CCDC85C: variants seen among roughly 807,000 people sequenced by gnomAD.
CCDC85C encodes coiled-coil domain-containing protein 85C.
CCDC85C carries 18 observed loss-of-function variants against 38.3 expected under a neutral mutation model. The ratio of observed to expected loss-of-function variants is 0.47; its 90% CI spans 0.33 to 0.70. CCDC85C has a LOEUF of 0.70. Among genes scored for constraint, CCDC85C ranks in the 30% least tolerant of loss-of-function variants. The pLI, the probability that CCDC85C is intolerant of heterozygous loss-of-function variation, is 0.03. For missense variants in CCDC85C, 566 were observed against 621.2 expected (o/e 0.91, Z 0.94); for synonymous variants, 264 against 293.8 (o/e 0.90, Z 1.04).
At chr14:99,538,578 G>A (rs1476663200) in intron 1 of CCDC85C, among the ~76,000 whole-genome samples, 6 of 152,190 alleles carry the variant, frequency 3.9e-5, no homozygotes, top group Non-Finnish European at 7.3e-5. Flanking sequence ...GGAGGTGGGT[G>A]CACTTTCAGC....
At chr14:99,590,432 G>A (rs1016353180) in intron 1 of CCDC85C, among the ~76,000 whole-genome samples, 11 of 152,180 alleles carry the variant, frequency 7.2e-5, no homozygotes, top group East Asian at 3.9e-4. Context: ...AAAAAGGAGC[G>A]GCAGGAGAAG....
intron 1 of CCDC85C, among the ~76,000 whole-genome samples, chr14:99,583,807 T>TAA (rs34283477): frequency 1.0e-4 from 12 of 115,138 alleles, no homozygotes; most frequent in South Asian, 2.7e-4. Flanking sequence ...GGCTCTGTCT[T>TAA]AAAAAAAAAA....
At chr14:99,567,444 A>G (rs1028951114) in intron 1 of CCDC85C, among the ~76,000 whole-genome samples, 11 of 152,126 alleles carry the variant, frequency 7.2e-5, no homozygotes, top group African/African-American at 2.2e-4. Flanking sequence ...GCAGTTTCCT[A>G]AAGAGCTTGG....
chr14:99,550,334 G>C (rs1411633250), intron 1 of CCDC85C, among the ~76,000 whole-genome samples: 2 of 152,198 alleles, frequency 1.3e-5, no homozygotes, highest in Admixed American at 1.3e-4. Flanking sequence ...TGACCACGGT[G>C]GGGTGGCCAC....
chr14:99,566,852 C>G (rs1392362651), intron 1 of CCDC85C, among the ~76,000 whole-genome samples: 2 of 152,228 alleles, frequency 1.3e-5, no homozygotes, highest in Non-Finnish European at 2.9e-5. Context: ...GGACATTTCA[C>G]TGTCCTGCAC....
Position 99,603,853 on chromosome 14 carries a change from C to T in CCDC85C, c.107G>A (p.Arg36Gln), listed in dbSNP as rs1425973430. Residue 36 changes from arginine to glutamine, a missense_variant, in exon 1 of 6, where the codon CGG becomes CAG. By Grantham distance (43) the Arg-to-Gln change is conservative. Coordinates refer to ENST00000380243, the MANE Select transcript of CCDC85C (RefSeq NM_001144995.2). This position sits in a 1 kb window ranked among gnomAD's most constrained non-coding sequence, Gnocchi z 7.5. ...GCCCACCTTCTCGCCCTCGGCGCGCCGCAGCCGCCGCGCCAGCTCCTCCTT... is the reference window on the plus strand; with the variant it reads ...GCCCACCTTCTCGCCCTCGGCGCGCTGCAGCCGCCGCGCCAGCTCCTCCTT... ...WSKEELARRL[R>Q]RAEGEKVGLM... 6.6e-7 allele frequency: 1 copy of T among 1,516,386 alleles called. No homozygotes were observed. The highest frequency in any genetic ancestry group is 2.6e-5 in the East Asian group (1 of 38,470). The allele number at this position is 1,516,386 out of a possible 1,614,324, so 93.9% of individuals were successfully genotyped here.
Position 99,511,769 on chromosome 14 carries a change from A to AGTT in CCDC85C, c.*3474_*3476dup, listed in dbSNP as rs1287226366. On this transcript the variant is annotated 3_prime_UTR_variant, in exon 6 of 6. Transcript: ENST00000380243. Reference sequence around the variant, plus strand: ...GGAGGACCTGGTTGAGTTCCAAACCAGTTTGAAACTTTGAAGCCTTGCTGC... The same window carrying AGTT: ...GGAGGACCTGGTTGAGTTCCAAACCAGTTGTTTGAAACTTTGAAGCCTTGCTGC... 5 of 152,768 alleles carry AGTT rather than the reference A, an allele frequency of 3.3e-5. No individual in the cohort carries two copies. The East Asian group carries it at 9.6e-4, about 29-fold the overall frequency. The allele number at this position is 152,768 out of a possible 1,614,324, so 9.5% of individuals were successfully genotyped here.
At chr14:99,534,499 C>T (rs1282205822) in intron 2 of CCDC85C, among the ~76,000 whole-genome samples, 4 of 152,192 alleles carry the variant, frequency 2.6e-5, no homozygotes, top group Non-Finnish European at 1.5e-5. Flanking sequence ...CCCGGGGGCC[C>T]GAGCTTCAGC....
intron 2 of CCDC85C, among the ~76,000 whole-genome samples, chr14:99,529,219 G>A (rs1897447307): frequency 6.6e-6 from 1 of 152,064 alleles, no homozygotes; most frequent in Non-Finnish European, 1.5e-5. Flanking sequence ...TCACGTGTAT[G>A]TGCCATTCAG....
At chr14:99,518,996 C>A (rs1897267858) in intron 3 of CCDC85C, among the ~76,000 whole-genome samples, 1 of 151,976 alleles carries the variant, frequency 6.6e-6, no homozygotes, top group Non-Finnish European at 1.5e-5. Flanking sequence ...TCGGGCCACA[C>A]ACACCTCCCA....
chr14:99,516,856 TCA>T lies in CCDC85C; in HGVS notation c.1071+230_1071+231del, dbSNP rs1897234127. On this transcript the variant is annotated intron_variant, in intron 4 of 5. Transcript: ENST00000380243. This position sits in a 1 kb window ranked among gnomAD's most constrained non-coding sequence, Gnocchi z 5.5. ...TGCCTGCCCTCCCCGACCCCAGGCCTCAGTCTTGTTAGGTGCAGTAGCTCAGG... is the reference window on the plus strand; with the variant it reads ...TGCCTGCCCTCCCCGACCCCAGGCCTGTCTTGTTAGGTGCAGTAGCTCAGG... Among the ~76,000 whole-genome samples the T allele has an allele frequency of 6.6e-6, 1 of 152,014 alleles. No individual in the cohort carries two copies. Among genetic ancestry groups the T allele is most frequent in the South Asian group, 2.1e-4 (1 of 4,818 alleles).
chr14:99,587,244 C>T lies in CCDC85C; in HGVS notation c.793+15923G>A, dbSNP rs79123477. Among the ~76,000 whole-genome samples the T allele has an allele frequency of 9.1e-4, 139 of 152,364 alleles. 4 individuals carry two copies. The East Asian group carries it at 0.014, about 16-fold the overall frequency. On this transcript the variant is annotated intron_variant, in intron 1 of 5. Transcript: ENST00000380243. ...GGCAGCCCCTGCCTCGGGAGAATCC[C>T]GGGTTCAGAGCAAGGATGAGTCACC...
chr14:99,515,383 C>A (rs1897205793), intron 5 of CCDC85C, 48 bp from the exon 6 acceptor site: 2 of 1,413,920 alleles, frequency 1.4e-6, no homozygotes, highest in East Asian at 5.0e-5. Context: ...CCGCGTCCAC[C>A]TGCCGCCTAT....
chr14:99,510,449 C>T lies in CCDC85C; in HGVS notation c.*4797G>A. On this transcript the variant is annotated 3_prime_UTR_variant, in exon 6 of 6. Coordinates refer to ENST00000380243, the MANE Select transcript of CCDC85C (RefSeq NM_001144995.2). The stretch of plus-strand genomic sequence containing the variant: ...CCCCCGCCTACGGCCCACCTGCACA[C>T]CTGCCCTACCACCCCCATGTCTACC... 1 of 1,538,286 alleles carries T rather than the reference C, an allele frequency of 6.5e-7. No individual in the cohort carries two copies.
chr14:99,568,287 C>G (rs1302359165), intron 1 of CCDC85C, among the ~76,000 whole-genome samples: 1 of 124,070 alleles, frequency 8.1e-6, no homozygotes, highest in African/African-American at 3.2e-5. Flanking sequence ...AAGTCTCACT[C>G]TGTCACCCAG....
At chr14:99,579,097 C>T (rs1647093799) in intron 1 of CCDC85C, among the ~76,000 whole-genome samples, 1 of 152,238 alleles carries the variant, frequency 6.6e-6, no homozygotes, top group African/African-American at 2.4e-5. Flanking sequence ...CAGGTCACAC[C>T]ATGGAGGCCT....
chr14:99,567,012 C>T (rs1233110059), intron 1 of CCDC85C, among the ~76,000 whole-genome samples: 1 of 152,202 alleles, frequency 6.6e-6, no homozygotes, highest in African/African-American at 2.4e-5. Flanking sequence ...GGGCCCGAAC[C>T]CCTCTGCCCT....
At chr14:99,582,763 G>A (rs1168039266) in intron 1 of CCDC85C, among the ~76,000 whole-genome samples, 2 of 152,132 alleles carry the variant, frequency 1.3e-5, no homozygotes, top group Admixed American at 6.5e-5. Context: ...GCAGTGAGCT[G>A]AGATTGCGCC....
intron 1 of CCDC85C, among the ~76,000 whole-genome samples, chr14:99,567,180 T>C (rs779060628): frequency 1.9e-4 from 24 of 126,056 alleles, no homozygotes; most frequent in Non-Finnish European, 3.6e-4. Context: ...GGAGGACAGA[T>C]GAGTGCACAG....
Sources: gnomAD v4.1 joint callset for allele counts (sites outside exome capture counted in the v4.1 genomes callset) on GRCh38, gnomAD v4.1.1 for gene constraint, Gnocchi (gnomAD v3.1) non-coding constraint, MANE v1.5 for transcripts, NCBI Gene and HGNC (gene_info 2026-07-23, HGNC 2026-07-21) for gene names.